The following IL4R variants were observed in gnomAD, a reference collection of about 807,000 sequenced individuals.
The protein encoded by IL4R is interleukin-4 receptor subunit alpha.
IL4R carries 17 observed loss-of-function variants against 41.5 expected under a neutral mutation model. That is an observed-to-expected ratio of 0.41 (90% confidence interval 0.28 to 0.61). IL4R has a LOEUF of 0.61. Among genes scored for constraint, IL4R ranks in the 20% least tolerant of loss-of-function variants. IL4R has a pLI of 0.31. For synonymous variants in IL4R, 402 were observed against 422.9 expected (o/e 0.95, Z 0.61); for missense variants, 974 against 1,043.1 (o/e 0.93, Z 0.91).
chr16:27,351,758 AC>A (rs2085888587), intron 6 of IL4R, among the ~76,000 whole-genome samples: 1 of 151,928 alleles, frequency 6.6e-6, no homozygotes, highest in East Asian at 1.9e-4. Flanking sequence ...CAAGTGATCC[AC>A]CCACTTCGGC....
chr16:27,326,565 C>T (rs1282395076), intron 1 of IL4R, among the ~76,000 whole-genome samples: 1 of 152,118 alleles, frequency 6.6e-6, no homozygotes. Context: ...ACTTGGGAGG[C>T]TAAGGCAGGA....
chr16:27,363,012 C>T lies in IL4R; in HGVS notation c.1660C>T (p.Leu554Phe). 6.2e-7 allele frequency: 1 copy of T among 1,614,172 alleles called. No homozygotes were observed. The highest frequency in any genetic ancestry group is 8.5e-7 in the Non-Finnish European group (1 of 1,180,038). Residue 554 changes from leucine to phenylalanine, a missense_variant, in exon 11 of 11, where the codon CTC becomes TTC. Transcript: ENST00000395762. Reference protein sequence around the residue: ...QPEPETWEQILRRNVLQHGAA... With the variant: ...QPEPETWEQIFRRNVLQHGAA... ...TGAGCCAGAAACCTGGGAGCAGATC[C>T]TCCGCCGAAATGTCCTCCAGCATGG...
intron 6 of IL4R, among the ~76,000 whole-genome samples, chr16:27,350,353 A>G (rs1460306157): frequency 6.6e-6 from 1 of 152,072 alleles, no homozygotes; most frequent in East Asian, 1.9e-4. Flanking sequence ...TCCCTTCCCC[A>G]GTCTCCCCAC....
chr16:27,363,971 A>G lies in IL4R; in HGVS notation c.*141A>G, dbSNP rs1402990345. ...CCATGGTATGAAGGTGATTGGCCCCACTGACGTTGGCCTAACACTGGGCTG... is the reference window on the plus strand; with the variant it reads ...CCATGGTATGAAGGTGATTGGCCCCGCTGACGTTGGCCTAACACTGGGCTG... On this transcript the variant is annotated 3_prime_UTR_variant, in exon 11 of 11. Coordinates refer to ENST00000395762, the MANE Select transcript of IL4R (RefSeq NM_000418.4). 21 of 1,013,174 alleles carry G rather than the reference A, an allele frequency of 2.1e-5. No homozygotes were observed. In the East Asian group the frequency reaches 5.0e-4, roughly 24 times the overall value. 62.8% of individuals were successfully genotyped at this position (1,013,174 alleles called of 1,614,324 possible).
At chr16:27,340,122 T>C in intron 2 of IL4R, 64 bp from the exon 3 acceptor site, 1 of 1,044,524 alleles carries the variant, frequency 9.6e-7, no homozygotes, top group Non-Finnish European at 1.5e-6. Flanking sequence ...GGGTTGCATA[T>C]TGAATAAGAT....
chr16:27,340,362 C>T (rs554865525), intron 3 of IL4R, 89 bp downstream of exon 3: 3 of 928,970 alleles, frequency 3.2e-6, no homozygotes, highest in African/African-American at 3.2e-5. Flanking sequence ...ATGGAGATTA[C>T]ACTGCAGTGG....
intron 9 of IL4R, among the ~76,000 whole-genome samples, chr16:27,360,141 A>G (rs542382211): frequency 5.4e-4 from 82 of 152,110 alleles, no homozygotes; most frequent in African/African-American, 1.9e-3. Context: ...CAGCCTCCCA[A>G]GTAGCTGGGA....
chr16:27,327,071 G>T (rs931745424), intron 1 of IL4R, among the ~76,000 whole-genome samples: 2 of 152,134 alleles, frequency 1.3e-5, no homozygotes, highest in Non-Finnish European at 2.9e-5. Context: ...AACTGATTGC[G>T]CCACAGGAGC....
At chr16:27,327,909 A>C (rs965897417) in intron 1 of IL4R, among the ~76,000 whole-genome samples, 1 of 152,112 alleles carries the variant, frequency 6.6e-6, no homozygotes, top group African/African-American at 2.4e-5. Context: ...GACCTGGTTC[A>C]TGTTTAAAAA....
At chr16:27,343,818 CA>C (rs1391939617) in intron 4 of IL4R, among the ~76,000 whole-genome samples, 1 of 152,134 alleles carries the variant, frequency 6.6e-6, no homozygotes, top group African/African-American at 2.4e-5. Context: ...AATGTGTACA[CA>C]TGGGCATTAT....
chr16:27,327,289 C>A (rs985939503), intron 1 of IL4R, among the ~76,000 whole-genome samples: 1 of 152,146 alleles, frequency 6.6e-6, no homozygotes, highest in Non-Finnish European at 1.5e-5. Context: ...TGTACCGCCC[C>A]CTGTGCGCCC....
chr16:27,336,202 T>C (rs1212123171), intron 2 of IL4R, among the ~76,000 whole-genome samples: 4 of 152,142 alleles, frequency 2.6e-5, no homozygotes, highest in African/African-American at 9.7e-5. Context: ...TAGCCTACAG[T>C]TGGGCAAAGT....
intron 9 of IL4R, 85 bp from the exon 10 acceptor site, chr16:27,360,681 C>T: frequency 6.5e-7 from 1 of 1,543,514 alleles, no homozygotes; most frequent in Non-Finnish European, 9.0e-7. Context: ...GATGTCGAGG[C>T]TTGTACCCCT....
At chr16:27,357,059 T>A (rs1183446329) in intron 8 of IL4R, among the ~76,000 whole-genome samples, 3 of 152,112 alleles carry the variant, frequency 2.0e-5, no homozygotes, top group Non-Finnish European at 4.4e-5. Flanking sequence ...GGCTAAGGAT[T>A]ATTAACATGA....
intron 3 of IL4R, among the ~76,000 whole-genome samples, chr16:27,341,520 C>T (rs2085441414): frequency 6.6e-6 from 1 of 152,154 alleles, no homozygotes; most frequent in African/African-American, 2.4e-5. Context: ...CAGTGTACAT[C>T]CTGCCAATTC....
chr16:27,322,567 G>C (rs540666574), intron 1 of IL4R, among the ~76,000 whole-genome samples: 67 of 152,234 alleles, frequency 4.4e-4, no homozygotes, highest in African/African-American at 1.6e-3. Flanking sequence ...AAAATTAGCT[G>C]GGTGTGGTGG....
intron 1 of IL4R, among the ~76,000 whole-genome samples, chr16:27,320,163 G>T (rs1166186423): frequency 6.6e-6 from 1 of 152,090 alleles, no homozygotes; most frequent in African/African-American, 2.4e-5. Context: ...CACTGCACGC[G>T]GCCCTGGGTG....
At chr16:27,325,372 G>A (rs1033278320) in intron 1 of IL4R, among the ~76,000 whole-genome samples, 3 of 152,078 alleles carry the variant, frequency 2.0e-5, no homozygotes, top group Admixed American at 6.6e-5. Context: ...AGGAGTTTGA[G>A]ACCAGCTTGG....
intron 8 of IL4R, 68 bp from the exon 9 acceptor site, chr16:27,358,848 A>C: frequency 8.1e-7 from 1 of 1,231,950 alleles, no homozygotes; most frequent in Admixed American, 1.7e-5. Context: ...GATAACGACC[A>C]CTTTTATGGG....
Sources: gnomAD v4.1 joint callset for allele counts (sites outside exome capture counted in the v4.1 genomes callset) on GRCh38, gnomAD v4.1.1 for gene constraint, MANE v1.5 for transcripts, NCBI Gene and HGNC (gene_info 2026-07-23, HGNC 2026-07-21) for gene names.